The following AMPH variants were observed in gnomAD, a reference collection of about 807,000 sequenced individuals.
AMPH encodes amphiphysin (Stiff-Mann syndrome with breast cancer 128kD autoantigen).
A neutral mutation model predicts 99.1 loss-of-function variants in AMPH; 49 were observed. The observed-to-expected ratio is 0.49, with a 90% CI of 0.39 to 0.63. The LOEUF is 0.63. Ranked by LOEUF, AMPH falls within the 20% of genes least tolerant of loss-of-function variation. The pLI is 0.00. For missense variants in AMPH, 759 were observed against 863.4 expected (o/e 0.88, Z 1.52); for synonymous variants, 314 against 317.3 (o/e 0.99, Z 0.11).
intron 1 of AMPH, among the ~76,000 whole-genome samples, chr7:38,591,279 TTTTTC>T: frequency 8.2e-6 from 1 of 122,162 alleles, no homozygotes; most frequent in African/African-American, 3.5e-5. Flanking sequence ...TTTTCTTTTC[TTTTTC>T]TTTTTCTTTT....
chr7:38,546,347 A>G (rs999592286), intron 1 of AMPH, among the ~76,000 whole-genome samples: 6 of 152,148 alleles, frequency 3.9e-5, no homozygotes, highest in Non-Finnish European at 8.8e-5. Flanking sequence ...CTATACTTTG[A>G]TCTGTGCTTT....
At chr7:38,487,469 T>C (rs375830999) in intron 5 of AMPH, among the ~76,000 whole-genome samples, 1 of 152,176 alleles carries the variant, frequency 6.6e-6, no homozygotes, top group Non-Finnish European at 1.5e-5. Flanking sequence ...TGGCTAGCTA[T>C]ATGCAGAAAA....
chr7:38,621,634 T>C (rs1311479139), intron 1 of AMPH, among the ~76,000 whole-genome samples: 4 of 152,152 alleles, frequency 2.6e-5, no homozygotes, highest in Non-Finnish European at 2.9e-5. Flanking sequence ...TTTATTAATT[T>C]GTTAAATTAT....
intron 1 of AMPH, among the ~76,000 whole-genome samples, chr7:38,582,244 T>C (rs1278372145): frequency 3.3e-5 from 5 of 152,180 alleles, no homozygotes; most frequent in African/African-American, 2.4e-5. Context: ...GTAAATGATA[T>C]ATTGTGCCAA....
At chr7:38,444,223 T>C (rs1414120854) in intron 11 of AMPH, among the ~76,000 whole-genome samples, 1 of 152,206 alleles carries the variant, frequency 6.6e-6, no homozygotes, top group Non-Finnish European at 1.5e-5. Flanking sequence ...ATGCGTCAGA[T>C]GACTCACATA....
chr7:38,438,042 C>T (rs926294352), intron 11 of AMPH, among the ~76,000 whole-genome samples: 51 of 152,238 alleles, frequency 3.4e-4, no homozygotes, highest in African/African-American at 1.1e-3. Flanking sequence ...AACTATCAAC[C>T]GATTCCCTAT....
intron 17 of AMPH, among the ~76,000 whole-genome samples, 166 bp downstream of exon 17, chr7:38,417,659 A>T (rs1785430206): frequency 6.6e-6 from 1 of 152,238 alleles, no homozygotes; most frequent in Non-Finnish European, 1.5e-5. Context: ...CCTTAATAAA[A>T]AATGAAAGAG....
chr7:38,396,248 T>C (rs1243644156), intron 17 of AMPH, among the ~76,000 whole-genome samples: 5 of 152,268 alleles, frequency 3.3e-5, no homozygotes, highest in East Asian at 1.9e-4. Flanking sequence ...TGGGAGATGA[T>C]TGAATCATGG....
At chr7:38,455,448 G>C (rs1787196675) in intron 11 of AMPH, among the ~76,000 whole-genome samples, 1 of 152,148 alleles carries the variant, frequency 6.6e-6, no homozygotes, top group Non-Finnish European at 1.5e-5. Flanking sequence ...CAGAGCGGAA[G>C]CAAAATAGCA....
At chr7:38,573,348 G>A (rs1171275766) in intron 1 of AMPH, among the ~76,000 whole-genome samples, 1 of 140,566 alleles carries the variant, frequency 7.1e-6, no homozygotes, top group Non-Finnish European at 1.5e-5. Flanking sequence ...ACAGTTTATG[G>A]ATAAAGCAGG....
At chr7:38,411,794 A>G (rs1785224454) in intron 17 of AMPH, among the ~76,000 whole-genome samples, 1 of 152,142 alleles carries the variant, frequency 6.6e-6, no homozygotes, top group Admixed American at 6.5e-5. Context: ...GGTCTTACAT[A>G]GGCTACCCAA....
intron 15 of AMPH, 128 bp downstream of exon 15, chr7:38,426,826 T>C: frequency 2.7e-6 from 2 of 737,474 alleles, no homozygotes; most frequent in Non-Finnish European, 4.6e-6. Context: ...CTGTAAGTAG[T>C]GGGGTCCAAT....
At chr7:38,481,986 A>G (rs1788300209) in intron 5 of AMPH, among the ~76,000 whole-genome samples, 1 of 152,150 alleles carries the variant, frequency 6.6e-6, no homozygotes, top group African/African-American at 2.4e-5. Flanking sequence ...CCTTCACTGA[A>G]TAAAGGCAGA....
intron 15 of AMPH, among the ~76,000 whole-genome samples, chr7:38,423,250 T>C (rs1250949181): frequency 6.6e-6 from 1 of 152,216 alleles, no homozygotes; most frequent in African/African-American, 2.4e-5. Flanking sequence ...ATAAAATATG[T>C]TCATTGACCT....
chr7:38,475,275 C>T (rs1788039141), intron 7 of AMPH, 56 bp downstream of exon 7: 1 of 1,123,936 alleles, frequency 8.9e-7, no homozygotes, highest in Non-Finnish European at 1.3e-6. Flanking sequence ...AAGGGATATT[C>T]ACTGATCTTG....
chr7:38,475,681 C>T (rs1295669518), intron 6 of AMPH, among the ~76,000 whole-genome samples: 4 of 152,166 alleles, frequency 2.6e-5, no homozygotes, highest in Non-Finnish European at 5.9e-5. Flanking sequence ...TAGCTGCCTG[C>T]CATGTAGACA....
chr7:38,526,010 T>A (rs573240666), intron 2 of AMPH, among the ~76,000 whole-genome samples: 149 of 152,298 alleles, frequency 9.8e-4, no homozygotes, highest in African/African-American at 3.5e-3. Context: ...TCTAATTTTT[T>A]AAGAAATAGC....
chr7:38,546,751 T>C, intron 1 of AMPH, among the ~76,000 whole-genome samples: 1 of 152,210 alleles, frequency 6.6e-6, no homozygotes, highest in East Asian at 1.9e-4. Flanking sequence ...GTAACACACC[T>C]ACCAGCCTTG....
intron 1 of AMPH, among the ~76,000 whole-genome samples, chr7:38,589,664 T>C (rs575321770): frequency 6.6e-6 from 1 of 152,264 alleles, no homozygotes; most frequent in African/African-American, 2.4e-5. Flanking sequence ...TAAAATTATA[T>C]CTCTAAGAAT....
Sources: allele counts gnomAD v4.1 joint callset (sites outside exome capture counted in the v4.1 genomes callset), GRCh38; gene constraint gnomAD v4.1.1; transcripts MANE v1.5; gene names NCBI Gene and HGNC (gene_info 2026-07-23, HGNC 2026-07-21).